Variants in OXR1 observed in about 807,000 individuals in gnomAD.
OXR1 encodes oxidation resistance 1.
A neutral mutation model predicts 104.6 loss-of-function variants in OXR1; 41 were observed. The observed-to-expected ratio is 0.39, with a 90% confidence interval of 0.31 to 0.51. The LOEUF is 0.51. Among genes scored for constraint, OXR1 ranks in the 20% least tolerant of loss-of-function variants. OXR1 has a pLI of 0.77. For synonymous variants in OXR1, 348 were observed against 348.4 expected (o/e 1.00, Z 0.01); for missense variants, 955 against 1,031.9 (o/e 0.93, Z 1.02).
chr8:106,341,676 T>C (rs1815255378), intron 1 of OXR1, among the ~76,000 whole-genome samples: 2 of 152,156 alleles, frequency 1.3e-5, no homozygotes, highest in African/African-American at 4.8e-5. Flanking sequence ...GCTAACCAAA[T>C]GATCTCACCT....
chr8:106,448,124 A>G, intron 2 of OXR1: 1 of 1,443,176 alleles, frequency 6.9e-7, no homozygotes, highest in South Asian at 1.2e-5. Flanking sequence ...TTCCATTATA[A>G]AATAGCTCTC....
At chr8:106,719,548 CAGTT>C (rs1414801603) in intron 11 of OXR1, among the ~76,000 whole-genome samples, 5 of 152,150 alleles carry the variant, frequency 3.3e-5, no homozygotes, top group Non-Finnish European at 7.4e-5. Context: ...TCAAATGCTG[CAGTT>C]AGTTAAAATA....
At chr8:106,311,904 C>T (rs987233097) in intron 1 of OXR1, among the ~76,000 whole-genome samples, 8 of 152,070 alleles carry the variant, frequency 5.3e-5, no homozygotes, top group African/African-American at 1.9e-4. Context: ...TGCACCCTGT[C>T]TCTCCCTCCC....
chr8:106,713,724 T>G (rs1394115492), intron 10 of OXR1, 99 bp from the exon 11 acceptor site: 1 of 642,074 alleles, frequency 1.6e-6, no homozygotes, highest in Non-Finnish European at 2.5e-6. Flanking sequence ...TTGTGTATAT[T>G]TTAAGTCTTC....
intron 6 of OXR1, among the ~76,000 whole-genome samples, chr8:106,688,839 G>A (rs1829003827): frequency 6.6e-6 from 1 of 152,012 alleles, no homozygotes; most frequent in Admixed American, 6.6e-5. Context: ...ACTACTTTTT[G>A]TACTGCCTAA....
intron 3 of OXR1, chr8:106,657,761 T>C: frequency 9.3e-7 from 1 of 1,078,124 alleles, no homozygotes; most frequent in Non-Finnish European, 1.2e-6. Flanking sequence ...GAAAAACTTT[T>C]CGAAAACTTT....
intron 11 of OXR1, among the ~76,000 whole-genome samples, chr8:106,735,117 C>A (rs1003484182): frequency 2.0e-5 from 3 of 151,934 alleles, no homozygotes; most frequent in African/African-American, 7.2e-5. Flanking sequence ...CTCATATATA[C>A]TGGGAATATA....
At chr8:106,743,346 G>A (rs1248622015) in intron 15 of OXR1, among the ~76,000 whole-genome samples, 1 of 152,206 alleles carries the variant, frequency 6.6e-6, no homozygotes, top group Non-Finnish European at 1.5e-5. Flanking sequence ...TTTTGAGGCA[G>A]AGTCTTGCTG....
intron 2 of OXR1, among the ~76,000 whole-genome samples, chr8:106,390,508 A>G (rs11993269): frequency 0.41 from 62,588 of 152,058 alleles, 14,017 homozygotes; most frequent in East Asian, 0.51. Context: ...GCATAAGGAA[A>G]CTGAGATACA....
In OXR1 at chr8:106,706,760, T is replaced by C. The variant is rs1200318344; in HGVS notation, c.1239T>C (p.Asp413=). The C allele has an allele frequency of 1.9e-6, 3 of 1,612,536 alleles. No individual in the cohort carries two copies. In the Admixed American group the frequency reaches 5.0e-5, roughly 27 times the overall value. ...NEVGTLCHKT[D]LNNLEMAIKE... Reference sequence around the variant, plus strand: ...TTGGGACTTTATGTCATAAAACTGATTTAAATAATCTTGAAATGGCCATTA... The same window carrying C: ...TTGGGACTTTATGTCATAAAACTGACTTAAATAATCTTGAAATGGCCATTA... The change falls in exon 9 of 17, where the codon GAT becomes GAC. Residue 413 remains aspartate (D), a synonymous_variant. Coordinates refer to ENST00000517566, the MANE Select transcript of OXR1 (RefSeq NM_001198533.2).
At chr8:106,518,791 T>G (rs1813048593) in intron 2 of OXR1, among the ~76,000 whole-genome samples, 152 bp from the exon 3 acceptor site, 1 of 152,218 alleles carries the variant, frequency 6.6e-6, no homozygotes, top group Non-Finnish European at 1.5e-5. Context: ...GAATTTTTCT[T>G]AAAATACTGT....
chr8:106,399,667 G>T (rs971028863), intron 2 of OXR1, among the ~76,000 whole-genome samples: 1 of 152,172 alleles, frequency 6.6e-6, no homozygotes, highest in Non-Finnish European at 1.5e-5. Context: ...TCTAGGAAAT[G>T]TAATTCCCAC....
intron 1 of OXR1, among the ~76,000 whole-genome samples, chr8:106,332,211 T>C (rs1012485261): frequency 6.6e-6 from 1 of 152,096 alleles, no homozygotes; most frequent in African/African-American, 2.4e-5. Context: ...ACATGGTAAA[T>C]CATGAGCTTT....
Position 106,366,683 on chromosome 8 carries a change from G to C in OXR1, c.23+7047G>C, listed in dbSNP as rs553681755. 5.6e-4 allele frequency among the ~76,000 whole-genome samples: 85 copies of C among 152,230 alleles called. 1 individual carries two copies. In the South Asian group the frequency reaches 0.017, roughly 30 times the overall value. ...AAAGCTTAGCTGTGAGATAATATGA[G>C]TATTTCTCAGTGGTAAGTTCATGTT... On this transcript the variant is annotated intron_variant, in intron 2 of 16. Transcript: ENST00000517566.
intron 1 of OXR1, among the ~76,000 whole-genome samples, chr8:106,293,896 A>G (rs1422399956): frequency 1.3e-5 from 2 of 151,832 alleles, no homozygotes; most frequent in Non-Finnish European, 2.9e-5. Flanking sequence ...AAAGCTTCCA[A>G]CAAATGAATT....
chr8:106,416,660 T>C (rs1586622375), intron 2 of OXR1, among the ~76,000 whole-genome samples: 2 of 152,084 alleles, frequency 1.3e-5, no homozygotes, highest in African/African-American at 2.4e-5. Context: ...ATTATTGGTA[T>C]GTTTTGTGGA....
At chr8:106,498,638 TGTGA>T (rs1461555770) in intron 2 of OXR1, among the ~76,000 whole-genome samples, 5 of 152,144 alleles carry the variant, frequency 3.3e-5, no homozygotes, top group African/African-American at 4.8e-5. Flanking sequence ...AAGCTGTGTG[TGTGA>T]GTGTGTGTGT....
In OXR1 at chr8:106,692,847, A is replaced by G; in HGVS notation, c.645A>G (p.Lys215=). 6.2e-7 allele frequency: 1 copy of G among 1,605,346 alleles called. No homozygotes were observed. The highest frequency in any genetic ancestry group is 2.2e-5 in the East Asian group (1 of 44,716). Residue 215 remains lysine (K), a synonymous_variant, in exon 7 of 17, where the codon AAA becomes AAG. Transcript: ENST00000517566. ...AAGCATTTACTGAGAAATTTCTTAAAATTAATTGCAAATATATTACCAGTG... is the reference window on the plus strand; with the variant it reads ...AAGCATTTACTGAGAAATTTCTTAAGATTAATTGCAAATATATTACCAGTG... ...EEEAFTEKFL[K]INCKYITSGK...
intron 2 of OXR1, among the ~76,000 whole-genome samples, chr8:106,506,521 G>A (rs1015196551): frequency 6.6e-5 from 10 of 152,144 alleles, no homozygotes; most frequent in Non-Finnish European, 1.2e-4. Flanking sequence ...GCTGAGGCAG[G>A]AGAATGTTGT....
Sources: gnomAD v4.1 joint callset for allele counts (sites outside exome capture counted in the v4.1 genomes callset) on GRCh38, gnomAD v4.1.1 for gene constraint, MANE v1.5 for transcripts, NCBI Gene and HGNC (gene_info 2026-07-23, HGNC 2026-07-21) for gene names.